IGF1R: variants seen among roughly 807,000 people sequenced by gnomAD.
The protein encoded by IGF1R is insulin like growth factor 1 receptor, also known as insulin-like growth factor 1 receptor.
A neutral mutation model predicts 144.6 loss-of-function variants in IGF1R; 44 were observed. The ratio of observed to expected loss-of-function variants is 0.30; its 90% CI spans 0.24 to 0.39. The LOEUF (loss-of-function observed/expected upper bound fraction) is 0.39. Among genes scored for constraint, IGF1R ranks in the 10% least tolerant of loss-of-function variants. The pLI, the probability that IGF1R is intolerant of heterozygous loss-of-function variation, is 1.00. For synonymous variants in IGF1R, 795 were observed against 722.8 expected (o/e 1.10, Z -1.60); for missense variants, 1,355 against 1,833.7 (o/e 0.74, Z 4.77).
intron 1 of IGF1R, among the ~76,000 whole-genome samples, chr15:98,652,047 T>C (rs2052381889): frequency 6.6e-6 from 1 of 152,218 alleles, no homozygotes; most frequent in African/African-American, 2.4e-5. Context: ...GTTGGTTCAG[T>C]TGCAGGTATT....
intron 2 of IGF1R, among the ~76,000 whole-genome samples, chr15:98,733,068 G>A (rs62024491): frequency 0.31 from 46,493 of 151,968 alleles, 7,249 homozygotes; most frequent in South Asian, 0.38. Flanking sequence ...ACAGAAAGAT[G>A]TCTACGTGTG....
At chr15:98,856,576 A>G (rs2011830944) in intron 2 of IGF1R, among the ~76,000 whole-genome samples, 1 of 152,272 alleles carries the variant, frequency 6.6e-6, no homozygotes, top group Non-Finnish European at 1.5e-5. Flanking sequence ...TGTAGCATGC[A>G]TACTTGCATG....
intron 20 of IGF1R, among the ~76,000 whole-genome samples, chr15:98,955,247 G>A (rs2016932705): frequency 6.6e-6 from 1 of 152,168 alleles, no homozygotes; most frequent in Non-Finnish European, 1.5e-5. Flanking sequence ...TTAAAATTCT[G>A]GCTACAGAGA....
In IGF1R at chr15:98,858,219, T is replaced by C. The variant is rs1302075784; in HGVS notation, c.641-33106T>C. Among the ~76,000 whole-genome samples the C allele has an allele frequency of 5.9e-5, 9 of 152,220 alleles. No homozygotes were observed. In the East Asian group the frequency reaches 1.7e-3, roughly 29 times the overall value. ...AAATTCTAAAACAAAATTGAAACAC[T>C]CATTTGAGTTTAAAATTTTAGTTGA... On this transcript the variant is annotated intron_variant, in intron 2 of 20. Transcript: ENST00000650285.
chr15:98,956,173 G>A (rs2016974378), intron 20 of IGF1R, among the ~76,000 whole-genome samples: 1 of 152,366 alleles, frequency 6.6e-6, no homozygotes, highest in Non-Finnish European at 1.5e-5. Context: ...GGGAGCCCCG[G>A]CCACAGCCGG....
At chr15:98,673,474 G>A (rs535720614) in intron 1 of IGF1R, among the ~76,000 whole-genome samples, 7 of 152,312 alleles carry the variant, frequency 4.6e-5, no homozygotes, top group African/African-American at 1.7e-4. Flanking sequence ...GAAGTGGAAA[G>A]AAAAGACTCA....
intron 2 of IGF1R, among the ~76,000 whole-genome samples, chr15:98,822,844 T>C (rs2056826705): frequency 6.6e-6 from 1 of 152,212 alleles, no homozygotes; most frequent in African/African-American, 2.4e-5. Context: ...TAAGAATAAT[T>C]ATTTTGGAGA....
intron 2 of IGF1R, among the ~76,000 whole-genome samples, chr15:98,805,732 G>A (rs1163033869): frequency 6.6e-6 from 1 of 152,194 alleles, no homozygotes; most frequent in African/African-American, 2.4e-5. Flanking sequence ...AAGTAGTTCT[G>A]ATAAGTCCTT....
At chr15:98,671,525 G>A (rs1157521540) in intron 1 of IGF1R, among the ~76,000 whole-genome samples, 3 of 152,268 alleles carry the variant, frequency 2.0e-5, no homozygotes, top group East Asian at 1.9e-4. Flanking sequence ...TGGAGACTGG[G>A]GGCTTCCTTA....
At chr15:98,941,311 G>A (rs2016357054) in intron 18 of IGF1R, among the ~76,000 whole-genome samples, 1 of 152,294 alleles carries the variant, frequency 6.6e-6, no homozygotes, top group South Asian at 2.1e-4. Context: ...CACCCTCCGG[G>A]CACATGGGGG....
Position 98,957,041 on chromosome 15 carries a change from C to T in IGF1R, c.3723-20C>T, listed in dbSNP as rs903468771. 1.9e-6 allele frequency: 3 copies of T among 1,613,854 alleles called. No homozygotes were observed. The highest frequency in any genetic ancestry group is 2.7e-5 in the African/African-American group (2 of 74,940). ...TGCGCCCTCCCGGTTTGGACCCCCT[C>T]CCGTGTGTCTTGGCTGCAGGTTTGA... On this transcript the variant is annotated intron_variant, in intron 20 of 20. Coordinates refer to ENST00000650285, the MANE Select transcript of IGF1R (RefSeq NM_000875.5).
At chr15:98,926,779 T>C (rs913113261) in intron 13 of IGF1R, among the ~76,000 whole-genome samples, 1 of 152,190 alleles carries the variant, frequency 6.6e-6, no homozygotes, top group Non-Finnish European at 1.5e-5. Flanking sequence ...GGTAAATGGA[T>C]GTTTAGGCAG....
chr15:98,678,184 G>A (rs1028302444), intron 1 of IGF1R, among the ~76,000 whole-genome samples: 8 of 152,166 alleles, frequency 5.3e-5, no homozygotes, highest in Non-Finnish European at 1.2e-4. Flanking sequence ...AGATTACCTA[G>A]TAGTAATCCC....
chr15:98,878,112 G>C (rs75976403), intron 2 of IGF1R, among the ~76,000 whole-genome samples: 185 of 152,370 alleles, frequency 1.2e-3, no homozygotes, highest in African/African-American at 4.1e-3. Flanking sequence ...GTCAACACCA[G>C]TAAGCCATGT....
rs201448677 is a variant in IGF1R, at chr15:98,957,043, C to T, written c.3723-18C>T. The T allele has an allele frequency of 9.9e-6, 16 of 1,613,976 alleles. No individual in the cohort carries two copies. Among genetic ancestry groups the T allele is most frequent in the East Asian group, 4.5e-5 (2 of 44,872 alleles). On this transcript the variant is annotated intron_variant, in intron 20 of 20. Transcript: ENST00000650285. ...CGCCCTCCCGGTTTGGACCCCCTCC[C>T]GTGTGTCTTGGCTGCAGGTTTGAAC...
chr15:98,853,218 A>G (rs969881564), intron 2 of IGF1R, among the ~76,000 whole-genome samples: 1 of 152,156 alleles, frequency 6.6e-6, no homozygotes, highest in Non-Finnish European at 1.5e-5. Flanking sequence ...AAAAAAAAGA[A>G]GGGGGGCAGT....
At chr15:98,650,833 C>T (rs909965963) in intron 1 of IGF1R, 6 of 878,088 alleles carry the variant, frequency 6.8e-6, no homozygotes, top group South Asian at 5.2e-5. Flanking sequence ...TGTCGCTCCA[C>T]ATTCGCTGTC....
chr15:98,651,097 C>T, intron 1 of IGF1R: 1 of 981,826 alleles, frequency 1.0e-6, no homozygotes, highest in Non-Finnish European at 1.2e-6. Flanking sequence ...TAATGGTTGC[C>T]GAGGGTATGC....
intron 1 of IGF1R, among the ~76,000 whole-genome samples, chr15:98,679,175 G>A (rs529764933): frequency 2.0e-5 from 3 of 152,158 alleles, no homozygotes; most frequent in Admixed American, 6.5e-5. Context: ...CAAAGTGTTG[G>A]GATTACAGGC....
Sources: gnomAD v4.1 joint callset for allele counts (sites outside exome capture counted in the v4.1 genomes callset) on GRCh38, gnomAD v4.1.1 for gene constraint, MANE v1.5 for transcripts, NCBI Gene and HGNC (gene_info 2026-07-23, HGNC 2026-07-21) for gene names.